The following DNAH1 variants were observed in gnomAD, a reference collection of about 807,000 sequenced individuals.
DNAH1 encodes dynein axonemal heavy chain 1, also known as axonemal beta dynein heavy chain 1.
In DNAH1, 327 loss-of-function variants were observed where a neutral mutation model predicts 484.3. The ratio of observed to expected loss-of-function variants is 0.68; its 90% CI spans 0.62 to 0.74. The LOEUF (loss-of-function observed/expected upper bound fraction) is 0.74, where lower values mean the gene tolerates loss of function less well. Among genes scored for constraint, DNAH1 ranks in the 30% least tolerant of loss-of-function variants. DNAH1 has a pLI of 0.00. For missense variants in DNAH1, 5,052 were observed against 5,546.8 expected (o/e 0.91, Z 2.83); for synonymous variants, 2,192 against 2,191.9 (o/e 1.00, Z 0.00).
At position 52,361,138 on chromosome 3, in the gene DNAH1, G is replaced by C; in HGVS notation, c.4686-26G>C. ...GGAGTGTCCAGGCCATGTGCGGCCC[G>C]AGCCCACCTCCTCTGTCTCCTGCAG... On this transcript the variant is annotated intron_variant, in intron 28 of 77. Coordinates refer to ENST00000420323, the MANE Select transcript of DNAH1 (RefSeq NM_015512.5). The surrounding 1 kb of genome is among the most constrained non-coding windows in gnomAD (Gnocchi z 5.6). 2 of 1,521,274 alleles carry C rather than the reference G, an allele frequency of 1.3e-6. No individual in the cohort carries two copies. The highest frequency in any genetic ancestry group is 1.8e-6 in the Non-Finnish European group (2 of 1,135,818). 94.2% of individuals were successfully genotyped at this position (1,521,274 alleles called of 1,614,324 possible).
In DNAH1 at chr3:52,361,826, C is replaced by T. The variant is rs974935430; in HGVS notation, c.4980+60C>T. 2.6e-6 allele frequency: 4 copies of T among 1,510,516 alleles called. No individual in the cohort carries two copies. The African/African-American group carries it at 4.1e-5, about 16-fold the overall frequency. 93.6% of individuals were successfully genotyped at this position (1,510,516 alleles called of 1,614,324 possible). A position where few individuals can be genotyped will look rare whatever the true frequency, so the allele number is the denominator to read the frequency against. On this transcript the variant is annotated intron_variant, in intron 30 of 77. Coordinates refer to ENST00000420323, the MANE Select transcript of DNAH1 (RefSeq NM_015512.5). The surrounding 1 kb of genome is among the most constrained non-coding windows in gnomAD (Gnocchi z 5.6). ...CTGCCATACTCACGCCGCCATACTG[C>T]TCCCCATTGCAGGCTGAGAAGCCAG...
rs930436505 is a variant in DNAH1 at position 52,355,542 on chromosome 3, G to A, written c.3693+487G>A. 6.6e-6 allele frequency among the ~76,000 whole-genome samples: 1 copy of A among 152,244 alleles called. No homozygotes were observed. The highest frequency in any genetic ancestry group is 2.4e-5 in the African/African-American group (1 of 41,466). ...GACTGCACTTGTCTTGGGCTCTCAA[G>A]GCTAGAGGCAAGGGCTGCCCACAGA... On this transcript the variant is annotated intron_variant, in intron 21 of 77. Coordinates refer to ENST00000420323, the MANE Select transcript of DNAH1 (RefSeq NM_015512.5). This position sits in a 1 kb window ranked among gnomAD's most constrained non-coding sequence, Gnocchi z 4.5.
Position 52,375,404 on chromosome 3 carries a change from A to G in DNAH1, c.7150A>G (p.Asn2384Asp). 2 of 1,613,080 alleles carry G rather than the reference A, an allele frequency of 1.2e-6. No individual in the cohort carries two copies. The highest frequency in any genetic ancestry group is 4.5e-5 in the East Asian group (2 of 44,862). Residue 2384 changes from asparagine to aspartate, a missense_variant, in exon 45 of 78, where the codon AAC (asparagine) becomes GAC (aspartate). Around this residue, in one of 4 missense-constraint regions of DNAH1, gnomAD observed 2,929 missense variants for 3,409.4 expected, o/e 0.86. Coordinates refer to ENST00000420323, the MANE Select transcript of DNAH1 (RefSeq NM_015512.5). ...ACGCATCTTCTCCACCATCCTGGGC[A>G]ACTGGTTGGGTGAGTATTGGTGGGG... ...KKRIFSTILG[N>D]WLDGLLGEKS...
rs1702994314 is a variant in DNAH1, at chr3:52,364,644, T to C, written c.5251T>C (p.Tyr1751His). 6.2e-7 allele frequency: 1 copy of C among 1,613,804 alleles called. No individual in the cohort carries two copies. The highest frequency in any genetic ancestry group is 1.3e-5 in the African/African-American group (1 of 74,896). ...SSEQLSSQDHYDFGMRAVKTV... is the reference protein window; with the variant it reads ...SSEQLSSQDHHDFGMRAVKTV... ...TCCTTCTGTATGGCGACAGGATCACTATGACTTCGGGATGAGAGCCGTGAA... is the reference window on the plus strand; with the variant it reads ...TCCTTCTGTATGGCGACAGGATCACCATGACTTCGGGATGAGAGCCGTGAA... The change falls in exon 33 of 78, where the codon TAT becomes CAT. Residue 1751 changes from tyrosine (Y) to histidine (H), a missense_variant. Around this residue, in one of 4 missense-constraint regions of DNAH1, gnomAD observed 2,929 missense variants for 3,409.4 expected, o/e 0.86. Coordinates refer to ENST00000420323, the MANE Select transcript of DNAH1 (RefSeq NM_015512.5). This position sits in a 1 kb window ranked among gnomAD's most constrained non-coding sequence, Gnocchi z 4.2.
intron 44 of DNAH1, chr3:52,374,244 G>A: frequency 6.9e-7 from 1 of 1,452,168 alleles, no homozygotes; most frequent in Non-Finnish European, 9.7e-7. Flanking sequence ...GAAATATTGG[G>A]AAGTATAATT....
intron 65 of DNAH1, 148 bp downstream of exon 65, chr3:52,393,173 G>A (rs1436261462): frequency 9.1e-6 from 13 of 1,421,482 alleles, no homozygotes; most frequent in African/African-American, 4.2e-5. Context: ...CACACAGCAC[G>A]CCTACCCTCC....
At position 52,364,744 on chromosome 3, in the gene DNAH1, G is replaced by A; in HGVS notation, c.5331+20G>A. On this transcript the variant is annotated intron_variant, in intron 33 of 77. Transcript: ENST00000420323. The surrounding 1 kb of genome is among the most constrained non-coding windows in gnomAD (Gnocchi z 4.2). ...AATGAGGTGAGCTCCACCCAGCAGG[G>A]CTCCAGGAGTGGAACTCTGGGAGGG... 6.2e-7 allele frequency: 1 copy of A among 1,610,080 alleles called. No individual in the cohort carries two copies.
chr3:52,392,801 A>ACCCCCCCCCCCCCCCCCCC (rs748905364), intron 64 of DNAH1, 29 bp from the exon 65 acceptor site: 1 of 508,882 alleles, frequency 2.0e-6, no homozygotes, highest in Non-Finnish European at 3.6e-6. Context: ...CTGCTCTTTG[A>ACCCCCCCCCCCCCCCCCCC]CCCCTCCCCC....
Position 52,362,284 on chromosome 3 carries a change from T to G in DNAH1, c.4981-104T>G. On this transcript the variant is annotated intron_variant, in intron 30 of 77. Coordinates refer to ENST00000420323, the MANE Select transcript of DNAH1 (RefSeq NM_015512.5). The surrounding 1 kb of genome is among the most constrained non-coding windows in gnomAD (Gnocchi z 5.1). Reference sequence around the variant, plus strand: ...AGGGGTCCAGGCCTGGCCTACCAGCTACAGCCAGGACAGGGGCATCAACAG... The same window carrying G: ...AGGGGTCCAGGCCTGGCCTACCAGCGACAGCCAGGACAGGGGCATCAACAG... 3 of 931,770 alleles carry G rather than the reference T, an allele frequency of 3.2e-6. No homozygotes were observed. The highest frequency in any genetic ancestry group is 5.0e-6 in the Non-Finnish European group (3 of 595,772). 57.7% of individuals were successfully genotyped at this position (931,770 alleles called of 1,614,324 possible).
At chr3:52,334,154 A>G (rs1278702438) in intron 8 of DNAH1, among the ~76,000 whole-genome samples, 1 of 152,264 alleles carries the variant, frequency 6.6e-6, no homozygotes, top group Admixed American at 6.5e-5. Flanking sequence ...GATATATGGT[A>G]CAGCCTAGTG....
chr3:52,352,992 A>C, intron 18 of DNAH1, 111 bp from the exon 19 acceptor site: 1 of 1,160,224 alleles, frequency 8.6e-7, no homozygotes, highest in Non-Finnish European at 1.2e-6. Context: ...GGTCAGGGAC[A>C]TCAGCCAGGA....
intron 41 of DNAH1, among the ~76,000 whole-genome samples, chr3:52,371,222 C>T (rs1005521102): frequency 5.3e-5 from 8 of 152,256 alleles, no homozygotes; most frequent in African/African-American, 1.9e-4. Context: ...TCAGTGTCCT[C>T]ATCGCTACTA....
At position 52,370,807 on chromosome 3, in the gene DNAH1, A is replaced by G; in HGVS notation, c.6507A>G (p.Glu2169=). 1 of 1,603,722 alleles carries G rather than the reference A, an allele frequency of 6.2e-7. No homozygotes were observed. Among genetic ancestry groups the G allele is most frequent in the Non-Finnish European group, 8.5e-7 (1 of 1,175,536 alleles). The change falls in exon 41 of 78, where the codon GAA becomes GAG. Residue 2169 remains glutamate, a synonymous_variant. Transcript: ENST00000420323. ...GTGGCACCAACGACAGTGAGGATGAAGAGGAGGAATACAAGCAGGTGGCCG... is the reference window on the plus strand; with the variant it reads ...GTGGCACCAACGACAGTGAGGATGAGGAGGAGGAATACAAGCAGGTGGCCG... The part of the protein sequence containing the change: ...GISGTNDSED[E]EEEYKQVAWV...
At chr3:52,386,119 G>A in intron 54 of DNAH1, 41 bp from the exon 55 acceptor site, 1 of 1,576,334 alleles carries the variant, frequency 6.3e-7, no homozygotes, top group South Asian at 1.2e-5. Context: ...ATGCAGAGAA[G>A]AGAAAAGGGG....
chr3:52,323,788 G>A lies in DNAH1; in HGVS notation c.334-20G>A, dbSNP rs1442026392. The A allele has an allele frequency of 9.5e-6, 15 of 1,581,074 alleles. No individual in the cohort carries two copies. Among genetic ancestry groups the A allele is most frequent in the Non-Finnish European group, 1.7e-6 (2 of 1,162,896 alleles). ...CCTGGGAGGTTGACACATACTCAGG[G>A]CTCCATGGTTTGGTTTCAGGAGGTA... On this transcript the variant is annotated intron_variant, in intron 2 of 77. Coordinates refer to ENST00000420323, the MANE Select transcript of DNAH1 (RefSeq NM_015512.5).
At position 52,379,671 on chromosome 3, in the gene DNAH1, T is replaced by G. The variant is rs1703754542; in HGVS notation, c.7378-234T>G. On this transcript the variant is annotated intron_variant, in intron 47 of 77. Transcript: ENST00000420323. The surrounding 1 kb of genome is among the most constrained non-coding windows in gnomAD (Gnocchi z 4.4). ...CCAGAGGGCACTTGGCCAGCTGGAC[T>G]CGGAGCTGAGGCATGAGGAGGCCCA... Among the ~76,000 whole-genome samples the G allele has an allele frequency of 6.6e-6, 1 of 152,140 alleles. No homozygotes were observed. The highest frequency in any genetic ancestry group is 2.4e-5 in the African/African-American group (1 of 41,436).
chr3:52,366,579 C>T (rs1272230293), intron 35 of DNAH1, 31 bp downstream of exon 35: 1 of 1,571,800 alleles, frequency 6.4e-7, no homozygotes, highest in Non-Finnish European at 8.6e-7. Context: ...CAGCCAGTGT[C>T]CGGATAGTGG....
rs1703865527 is a variant in DNAH1 at position 52,381,896 on chromosome 3, T to G, written c.7805+60T>G. 6 of 1,503,946 alleles carry G rather than the reference T, an allele frequency of 4.0e-6. No homozygotes were observed. The highest frequency in any genetic ancestry group is 2.0e-5 in the Admixed American group (1 of 49,274). The allele number at this position is 1,503,946 out of a possible 1,614,324, so 93.2% of individuals were successfully genotyped here. A position where few individuals can be genotyped will look rare whatever the true frequency, so the allele number is the denominator to read the frequency against. ...GCCAGGGCTGGCTGGTCGGTTTGAC[T>G]GACCCATGCTTTTGCACAGTGGTAG... On this transcript the variant is annotated intron_variant, in intron 49 of 77. Transcript: ENST00000420323. This position sits in a 1 kb window ranked among gnomAD's most constrained non-coding sequence, Gnocchi z 4.1.
intron 77 of DNAH1, 39 bp from the exon 78 acceptor site, chr3:52,400,286 G>C: frequency 6.2e-7 from 1 of 1,611,936 alleles, no homozygotes; most frequent in Non-Finnish European, 8.5e-7. Flanking sequence ...AGTAGTAATA[G>C]GGCATGACCT....
Sources: gnomAD v4.1 joint callset for allele counts (sites outside exome capture counted in the v4.1 genomes callset) on GRCh38, gnomAD v4.1.1 for gene constraint, gnomAD v4.1.1 regional missense constraint, Gnocchi (gnomAD v3.1) non-coding constraint, MANE v1.5 for transcripts, NCBI Gene and HGNC (gene_info 2026-07-23, HGNC 2026-07-21) for gene names.